CFAP299: variants seen among roughly 807,000 people sequenced by gnomAD.
CFAP299 encodes the protein cilia and flagella associated protein 299.
Under a neutral mutation model 27.0 loss-of-function variants are expected in CFAP299, and 21 were observed. The ratio of observed to expected loss-of-function variants is 0.78; its 90% confidence interval spans 0.55 to 1.12. The LOEUF is 1.12. CFAP299 is among the 50% of genes most tolerant of loss of function. The pLI is 0.00. For synonymous variants in CFAP299, 104 were observed against 98.1 expected (o/e 1.06, Z -0.36); for missense variants, 310 against 276.6 (o/e 1.12, Z -0.86).
chr4:80,562,316 G>A (rs970039781), intron 2 of CFAP299, among the ~76,000 whole-genome samples: 15 of 151,938 alleles, frequency 9.9e-5, no homozygotes, highest in Non-Finnish European at 2.1e-4. Flanking sequence ...ATAACATTGA[G>A]GCTGGGCACC....
chr4:80,867,598 G>A (rs1205086706), intron 3 of CFAP299, among the ~76,000 whole-genome samples: 4 of 152,172 alleles, frequency 2.6e-5, no homozygotes, highest in Non-Finnish European at 4.4e-5. Context: ...TGGTTTCTTA[G>A]GAGGGCTGTT....
At chr4:80,852,977 G>A (rs1289064822) in intron 3 of CFAP299, among the ~76,000 whole-genome samples, 3 of 151,936 alleles carry the variant, frequency 2.0e-5, no homozygotes, top group African/African-American at 7.3e-5. Context: ...CTACCTTTAT[G>A]GCCCCTGCAA....
the CFAP299 span, among the ~76,000 whole-genome samples, chr4:80,326,205 C>A: frequency 9.2e-5 from 14 of 151,986 alleles, no homozygotes; most frequent in African/African-American, 3.4e-4. Context: ...TGAACTGTAT[C>A]CTTGCATTTA....
Position 80,764,339 on chromosome 4 carries a change from G to GA in CFAP299, c.334-105647dup, listed in dbSNP as rs1169841977. Among the ~76,000 whole-genome samples the GA allele has an allele frequency of 5.3e-5, 8 of 152,126 alleles. No homozygotes were observed. In the East Asian group the frequency reaches 1.5e-3, roughly 29 times the overall value. On this transcript the variant is annotated intron_variant, in intron 3 of 5. Coordinates refer to ENST00000358105, the MANE Select transcript of CFAP299 (RefSeq NM_152770.3). ...AGACATTTATGCGGCCAACAAACAT[G>GA]AAAAAAAGCTCATCATCACTGGTCA...
intron 3 of CFAP299, among the ~76,000 whole-genome samples, chr4:80,629,233 C>G (rs1739079900): frequency 6.6e-6 from 1 of 152,120 alleles, no homozygotes; most frequent in Non-Finnish European, 1.5e-5. Context: ...ACCACCTGAT[C>G]TTGCTCATAT....
At chr4:80,814,795 G>C (rs576111335) in intron 3 of CFAP299, among the ~76,000 whole-genome samples, 1 of 151,762 alleles carries the variant, frequency 6.6e-6, no homozygotes, top group African/African-American at 2.4e-5. Flanking sequence ...AGTAAAGCCT[G>C]AGGTAACCTC....
At chr4:80,783,273 A>G (rs1477223750) in intron 3 of CFAP299, among the ~76,000 whole-genome samples, 1 of 152,122 alleles carries the variant, frequency 6.6e-6, no homozygotes, top group Non-Finnish European at 1.5e-5. Flanking sequence ...CACTTACACA[A>G]TATTCTGTTA....
At chr4:80,912,107 A>G (rs1735500860) in intron 4 of CFAP299, among the ~76,000 whole-genome samples, 1 of 152,202 alleles carries the variant, frequency 6.6e-6, no homozygotes, top group Admixed American at 6.5e-5. Flanking sequence ...AAAGTTGACT[A>G]TTTTGTGGGT....
intron 3 of CFAP299, among the ~76,000 whole-genome samples, chr4:80,583,620 TAGA>T (rs1736284644): frequency 6.6e-6 from 1 of 151,954 alleles, no homozygotes; most frequent in Non-Finnish European, 1.5e-5. Context: ...AATCACGTAG[TAGA>T]AGAACTGTGT....
chr4:80,404,743 A>T (rs754307339), intron 2 of CFAP299, among the ~76,000 whole-genome samples: 1 of 152,228 alleles, frequency 6.6e-6, no homozygotes, highest in African/African-American at 2.4e-5. Context: ...TACTGTGGAC[A>T]TAGATGTACA....
intron 3 of CFAP299, among the ~76,000 whole-genome samples, chr4:80,714,075 A>G (rs1722333903): frequency 6.6e-6 from 1 of 152,082 alleles, no homozygotes. Context: ...TCCTTGTTGA[A>G]TTTTATCCTT....
At chr4:80,482,289 T>G (rs529547009) in intron 2 of CFAP299, among the ~76,000 whole-genome samples, 1 of 152,062 alleles carries the variant, frequency 6.6e-6, no homozygotes, top group South Asian at 2.1e-4. Context: ...TTAGAGGATG[T>G]GAAAAATTCA....
chr4:80,879,618 A>T (rs1176903902), intron 4 of CFAP299, among the ~76,000 whole-genome samples: 9 of 150,970 alleles, frequency 6.0e-5, no homozygotes, highest in African/African-American at 2.2e-4. Flanking sequence ...TTTCAATCGA[A>T]ATTTATGTTT....
chr4:80,865,722 T>C (rs540817993), intron 3 of CFAP299, among the ~76,000 whole-genome samples: 2 of 152,086 alleles, frequency 1.3e-5, no homozygotes, highest in African/African-American at 4.8e-5. Context: ...ATATACACCA[T>C]GGAATACTAT....
chr4:80,702,202 C>T (rs993675260), intron 3 of CFAP299, among the ~76,000 whole-genome samples: 1 of 151,800 alleles, frequency 6.6e-6, no homozygotes, highest in Non-Finnish European at 1.5e-5. Context: ...AAGAAGTTCT[C>T]ATTACCTACT....
intron 3 of CFAP299, among the ~76,000 whole-genome samples, chr4:80,585,424 A>T (rs1207767299): frequency 2.0e-5 from 3 of 152,168 alleles, no homozygotes; most frequent in African/African-American, 7.2e-5. Flanking sequence ...CAAATGCTCA[A>T]CATTTGCTCT....
chr4:80,766,324 AACT>A (rs1221732488), intron 3 of CFAP299, among the ~76,000 whole-genome samples: 1 of 152,106 alleles, frequency 6.6e-6, no homozygotes, highest in Non-Finnish European at 1.5e-5. Context: ...GAGTAAGCTA[AACT>A]GTTGTTCAGG....
chr4:80,645,756 G>C (rs1198969532), intron 3 of CFAP299, among the ~76,000 whole-genome samples: 1 of 152,160 alleles, frequency 6.6e-6, no homozygotes, highest in Non-Finnish European at 1.5e-5. Context: ...AGGTTGGGAA[G>C]AGATGTTTGG....
At chr4:80,916,295 A>ATATT (rs1405206483) in intron 4 of CFAP299, among the ~76,000 whole-genome samples, 38 of 125,552 alleles carry the variant, frequency 3.0e-4, no homozygotes, top group African/African-American at 1.1e-3. Context: ...ATATATATAT[A>ATATT]TTTCAGGTAC....
Sources: allele counts gnomAD v4.1 joint callset (sites outside exome capture counted in the v4.1 genomes callset), GRCh38; gene constraint gnomAD v4.1.1; transcripts MANE v1.5; gene names NCBI Gene and HGNC (gene_info 2026-07-23, HGNC 2026-07-21).